SLIT3: variants seen among roughly 807,000 people sequenced by gnomAD.
The protein encoded by SLIT3 is slit guidance ligand 3.
In SLIT3, 68 loss-of-function variants were observed where a neutral mutation model predicts 184.0. The ratio of observed to expected loss-of-function variants is 0.37; its 90% CI spans 0.30 to 0.45. The LOEUF is 0.45. Ranked by LOEUF, SLIT3 falls within the 20% of genes least tolerant of loss-of-function variation. The pLI is 1.00. For missense variants in SLIT3, 1,707 were observed against 2,026.0 expected, an observed-to-expected ratio of 0.84 and a Z score of 3.02; for synonymous variants, 831 against 828.6, an observed-to-expected ratio of 1.00 and a Z score of -0.05.
At chr5:169,276,660 C>T (rs2113640400) in intron 1 of SLIT3, among the ~76,000 whole-genome samples, 1 of 152,302 alleles carries the variant, frequency 6.6e-6, no homozygotes, top group African/African-American at 2.4e-5. Flanking sequence ...CTTTGTGTTC[C>T]ACAGTTGCCA....
rs374045966 is a variant in SLIT3, at chr5:169,125,133, C to T, written c.413+68346G>A. ...CGCAATCTCGGCTCACTGCAACCTC[C>T]GACTGCCTGGTTCAAGTGATTCTCT... is the stretch of plus-strand genomic sequence containing the variant. On this transcript the variant is annotated intron_variant, in intron 4 of 35. Transcript: ENST00000519560. Among the ~76,000 whole-genome samples the T allele has an allele frequency of 9.2e-5, 14 of 152,210 alleles. No homozygotes were observed. The South Asian group carries it at 1.9e-3, about 20-fold the overall frequency.
At chr5:169,100,363 T>G (rs1759962776) in intron 4 of SLIT3, among the ~76,000 whole-genome samples, 1 of 152,166 alleles carries the variant, frequency 6.6e-6, no homozygotes, top group East Asian at 1.9e-4. Flanking sequence ...GGTCAAGTCC[T>G]TCAAACTAGA....
intron 4 of SLIT3, among the ~76,000 whole-genome samples, chr5:169,110,795 C>G (rs1322717871): frequency 6.6e-6 from 1 of 152,178 alleles, no homozygotes; most frequent in Non-Finnish European, 1.5e-5. Context: ...TGCAGCGTAG[C>G]TCACCCCACC....
chr5:169,055,594 C>A (rs1045409155), intron 4 of SLIT3, among the ~76,000 whole-genome samples: 2 of 152,188 alleles, frequency 1.3e-5, no homozygotes, highest in Non-Finnish European at 2.9e-5. Flanking sequence ...GTAATCCCAG[C>A]ACTTTGGGAG....
chr5:169,153,944 T>C (rs2113375307), intron 4 of SLIT3, among the ~76,000 whole-genome samples: 1 of 151,794 alleles, frequency 6.6e-6, no homozygotes, highest in Admixed American at 6.6e-5. Flanking sequence ...AGCTGTAACC[T>C]TGACAGACTC....
chr5:168,774,324 C>G lies in SLIT3; in HGVS notation c.1206G>C (p.Leu402=), dbSNP rs1378223753. Residue 402 remains leucine, a synonymous_variant, in exon 13 of 36, where the codon CTG becomes CTC. Coordinates refer to ENST00000519560, the MANE Select transcript of SLIT3 (RefSeq NM_003062.4). Reference sequence around the variant, plus strand: ...ACAGGGAGAGCAAGTTGAGGTTCTGCAGGTCCTGAAACGTGTTCACCCGCA... The same window carrying G: ...ACAGGGAGAGCAAGTTGAGGTTCTGGAGGTCCTGAAACGTGTTCACCCGCA... ...NCLRVNTFQD[L]QNLNLLSLYD... is the part of the protein sequence containing the mutation. 11 of 1,614,052 alleles carry G rather than the reference C, an allele frequency of 6.8e-6. No individual in the cohort carries two copies. The East Asian group carries it at 2.5e-4, about 36-fold the overall frequency.
At chr5:169,168,351 A>G (rs1247112536) in intron 4 of SLIT3, among the ~76,000 whole-genome samples, 2 of 152,214 alleles carry the variant, frequency 1.3e-5, no homozygotes, top group African/African-American at 4.8e-5. Context: ...CTTGTCTTCT[A>G]TTGTTCTACG....
At chr5:169,226,087 C>T (rs1764796966) in intron 3 of SLIT3, among the ~76,000 whole-genome samples, 1 of 152,120 alleles carries the variant, frequency 6.6e-6, no homozygotes, top group Non-Finnish European at 1.5e-5. Flanking sequence ...CATCTCTGCC[C>T]TCCATACCCC....
intron 1 of SLIT3, among the ~76,000 whole-genome samples, chr5:169,284,021 C>G (rs1274073540): frequency 6.6e-6 from 1 of 152,078 alleles, no homozygotes; most frequent in Non-Finnish European, 1.5e-5. Context: ...GGCTTGACAC[C>G]ACAAAGACAA....
chr5:169,002,328 A>AAT (rs1755735617), intron 4 of SLIT3, among the ~76,000 whole-genome samples: 2 of 124,498 alleles, frequency 1.6e-5, no homozygotes, highest in Admixed American at 8.0e-5. Flanking sequence ...GTCTCAAAAA[A>AAT]AAAAAAAAAA....
intron 27 of SLIT3, among the ~76,000 whole-genome samples, chr5:168,696,912 G>A (rs1240941878): frequency 1.3e-5 from 2 of 152,050 alleles, no homozygotes; most frequent in African/African-American, 4.8e-5. Flanking sequence ...GAGGGGGTGG[G>A]CAGAATATAG....
At chr5:169,264,441 G>A (rs1766321567) in intron 1 of SLIT3, among the ~76,000 whole-genome samples, 3 of 152,270 alleles carry the variant, frequency 2.0e-5, no homozygotes, top group South Asian at 2.1e-4. Flanking sequence ...GCCTCTCAAA[G>A]TGCTGGAATT....
intron 4 of SLIT3, among the ~76,000 whole-genome samples, chr5:169,059,891 C>A (rs976699029): frequency 6.6e-6 from 1 of 152,130 alleles, no homozygotes; most frequent in African/African-American, 2.4e-5. Context: ...AGAGGCAGGG[C>A]CTTTGGGAGA....
chr5:169,290,502 C>T (rs1404832165), intron 1 of SLIT3, among the ~76,000 whole-genome samples: 17 of 142,050 alleles, frequency 1.2e-4, no homozygotes, highest in Non-Finnish European at 2.1e-4. Flanking sequence ...TACTAGGGCA[C>T]GCACTAGTGC....
chr5:168,908,142 T>G (rs1761140908), intron 4 of SLIT3, among the ~76,000 whole-genome samples: 1 of 152,050 alleles, frequency 6.6e-6, no homozygotes, highest in Admixed American at 6.6e-5. Context: ...ATGTAATGCC[T>G]ATTTTCCAAT....
chr5:169,224,853 A>G (rs1764748317), intron 3 of SLIT3, among the ~76,000 whole-genome samples: 1 of 151,898 alleles, frequency 6.6e-6, no homozygotes, highest in African/African-American at 2.4e-5. Flanking sequence ...TGCCCAGCTA[A>G]TTTTTGTATT....
intron 4 of SLIT3, among the ~76,000 whole-genome samples, chr5:168,893,599 G>A (rs1175069553): frequency 6.6e-6 from 1 of 152,164 alleles, no homozygotes; most frequent in Non-Finnish European, 1.5e-5. Context: ...ATTAATTGGA[G>A]AAGCGTCCTT....
intron 4 of SLIT3, among the ~76,000 whole-genome samples, chr5:168,936,635 G>T (rs1017050108): frequency 6.6e-6 from 1 of 152,106 alleles, no homozygotes; most frequent in Non-Finnish European, 1.5e-5. Flanking sequence ...AATGATAAAA[G>T]CAGCTGACAT....
Position 169,282,736 on chromosome 5 carries a change from A to G in SLIT3, c.197+17777T>C, listed in dbSNP as rs935782750. Reference sequence around the variant, plus strand: ...CAAGCGATTCTGGTTCACCTTAAGAAAGGACAGGAAAGGAGAACAGAGTGA... The same window carrying G: ...CAAGCGATTCTGGTTCACCTTAAGAGAGGACAGGAAAGGAGAACAGAGTGA... On this transcript the variant is annotated intron_variant, in intron 1 of 35. Coordinates refer to ENST00000519560, the MANE Select transcript of SLIT3 (RefSeq NM_003062.4). 3.3e-5 allele frequency among the ~76,000 whole-genome samples: 5 copies of G among 152,344 alleles called. No individual in the cohort carries two copies. The East Asian group carries it at 9.6e-4, about 29-fold the overall frequency.
Sources: allele counts gnomAD v4.1 joint callset (sites outside exome capture counted in the v4.1 genomes callset), GRCh38; gene constraint gnomAD v4.1.1; transcripts MANE v1.5; gene names NCBI Gene and HGNC (gene_info 2026-07-23, HGNC 2026-07-21).